AMMECR1: variants seen among roughly 807,000 people sequenced by gnomAD.
The protein encoded by AMMECR1 is nuclear protein AMMECR1.
Under a neutral mutation model 22.5 loss-of-function variants are expected in AMMECR1, and 3 were observed. The observed-to-expected ratio is 0.13, with a 90% confidence interval of 0.06 to 0.35. The LOEUF is 0.35. Ranked by LOEUF, AMMECR1 falls within the 10% of genes least tolerant of loss-of-function variation. AMMECR1 has a pLI of 1.00. For synonymous variants in AMMECR1, 130 were observed against 116.7 expected, an observed-to-expected ratio of 1.11 and a Z score of -0.74; for missense variants, 235 against 278.7, an observed-to-expected ratio of 0.84 and a Z score of 1.12.
At chrX:110,397,706 C>T (rs751076061) in intron 2 of AMMECR1, among the ~76,000 whole-genome samples, 24 of 111,277 alleles carry the variant, frequency 2.2e-4, no homozygotes, top group Non-Finnish European at 3.6e-4. Flanking sequence ...TTCCATTGGC[C>T]AAACCCATCA....
At chrX:110,278,691 T>G (rs1413978022) in intron 1 of AMMECR1, among the ~76,000 whole-genome samples, 2 of 111,974 alleles carry the variant, frequency 1.8e-5, no homozygotes, top group African/African-American at 6.5e-5. Flanking sequence ...TATGTATATT[T>G]AAATACTTTG....
At chrX:110,260,226 T>C (rs192465513) in intron 2 of AMMECR1, among the ~76,000 whole-genome samples, 1 of 111,764 alleles carries the variant, frequency 8.9e-6, no homozygotes, top group East Asian at 2.8e-4. Flanking sequence ...AGACAAAGAA[T>C]AGTCTATTTA....
intron 2 of AMMECR1, among the ~76,000 whole-genome samples, chrX:110,333,624 C>A (rs2068129830): frequency 9.0e-6 from 1 of 111,696 alleles, no homozygotes; most frequent in Non-Finnish European, 1.9e-5. Flanking sequence ...ACATATACAC[C>A]ATGGAATACT....
intron 2 of AMMECR1, among the ~76,000 whole-genome samples, chrX:110,404,115 G>A (rs1419367484): frequency 3.6e-5 from 4 of 112,490 alleles, no homozygotes; most frequent in Non-Finnish European, 5.6e-5. Flanking sequence ...ACTAAAGTAC[G>A]TCATGCTACC....
intron 3 of AMMECR1, among the ~76,000 whole-genome samples, chrX:110,211,419 T>G (rs1189204381): frequency 8.9e-6 from 1 of 112,212 alleles, no homozygotes; most frequent in Non-Finnish European, 1.9e-5. Flanking sequence ...ATGTCTGGTT[T>G]TATATCCTTT....
intron 2 of AMMECR1, among the ~76,000 whole-genome samples, chrX:110,400,538 A>G (rs913970731): frequency 3.6e-5 from 4 of 110,665 alleles, no homozygotes; most frequent in African/African-American, 1.3e-4. Context: ...ACCAGTCCTC[A>G]CTACATTCTG....
chrX:110,221,745 G>T (rs1236801574), intron 2 of AMMECR1, among the ~76,000 whole-genome samples: 6 of 110,971 alleles, frequency 5.4e-5, no homozygotes, highest in Non-Finnish European at 9.5e-5. Flanking sequence ...GAAGATAGGA[G>T]AGAAAGAAAG....
chrX:110,267,475 A>T (rs914394116), intron 1 of AMMECR1, among the ~76,000 whole-genome samples: 1 of 111,423 alleles, frequency 9.0e-6, no homozygotes, highest in Non-Finnish European at 1.9e-5. Context: ...ACAGAAATGT[A>T]TCAATCCTCT....
chrX:110,331,836 A>C (rs1186564090), intron 2 of AMMECR1, among the ~76,000 whole-genome samples: 1 of 111,476 alleles, frequency 9.0e-6, no homozygotes, highest in Non-Finnish European at 1.9e-5. Flanking sequence ...TACTCTGGTC[A>C]GATTATTGGC....
At chrX:110,245,110 C>T (rs12116084) in intron 2 of AMMECR1, among the ~76,000 whole-genome samples, 5,961 of 111,862 alleles carry the variant, frequency 0.053, 401 homozygotes, top group African/African-American at 0.19. Context: ...ATAGAGCTCA[C>T]TACTTCTGAA....
At chrX:110,224,454 G>T (rs2067521203) in intron 2 of AMMECR1, among the ~76,000 whole-genome samples, 1 of 110,737 alleles carries the variant, frequency 9.0e-6, no homozygotes, top group Non-Finnish European at 1.9e-5. Flanking sequence ...TTTTTGAAAA[G>T]ATCTGTTTTA....
chrX:110,342,378 CT>C (rs1360019572), intron 2 of AMMECR1, among the ~76,000 whole-genome samples: 4 of 106,565 alleles, frequency 3.8e-5, no homozygotes, highest in Non-Finnish European at 7.8e-5. Flanking sequence ...AATGAATATT[CT>C]TTTTTTTTTG....
chrX:110,290,488 G>A (rs1174504868), intron 1 of AMMECR1, among the ~76,000 whole-genome samples: 2 of 112,023 alleles, frequency 1.8e-5, no homozygotes, highest in Non-Finnish European at 3.8e-5. Flanking sequence ...TAACGTCTAT[G>A]TAATAGAAAA....
At chrX:110,380,163 A>G (rs1269133119) in intron 2 of AMMECR1, among the ~76,000 whole-genome samples, 1 of 111,870 alleles carries the variant, frequency 8.9e-6, no homozygotes, top group Non-Finnish European at 1.9e-5. Context: ...CAGACATGGG[A>G]AAATGTAGCT....
intron 2 of AMMECR1, among the ~76,000 whole-genome samples, chrX:110,421,396 C>A (rs1234303247): frequency 1.8e-5 from 2 of 112,399 alleles, no homozygotes; most frequent in Non-Finnish European, 3.8e-5. Flanking sequence ...GGCTCAAGAA[C>A]AAATGAGACC....
At position 110,280,578 on chromosome X, in the gene AMMECR1, TA is replaced by T. The variant is rs1438649227; in HGVS notation, c.474-15980del. On this transcript the variant is annotated intron_variant, in intron 1 of 5. Transcript: ENST00000262844. Reference sequence around the variant, plus strand: ...ACTTATATAACATTTTTATTCACTATAAATTCAATACATGTTCACTATAAAA... The same window carrying T: ...ACTTATATAACATTTTTATTCACTATAATTCAATACATGTTCACTATAAAA... Among the ~76,000 whole-genome samples, 3 of 111,819 alleles carry T rather than the reference TA, an allele frequency of 2.7e-5. No homozygotes were observed. The East Asian group carries it at 8.4e-4, about 31-fold the overall frequency.
intron 2 of AMMECR1, among the ~76,000 whole-genome samples, chrX:110,346,298 G>A (rs913795551): frequency 1.8e-5 from 2 of 111,717 alleles, no homozygotes; most frequent in African/African-American, 6.5e-5. Flanking sequence ...TCAAAAAAAA[G>A]TGGACATAGG....
Position 110,364,527 on chromosome X carries a change from C to T in AMMECR1, c.-147-46678G>A, listed in dbSNP as rs181920850. On this transcript the variant is annotated intron_variant, in intron 2 of 7. Transcript: ENST00000372057. Reference sequence around the variant, plus strand: ...TTTGGTTTCCTAAGTAGATTTCCTACTGGGATTTATCAAGATGAATTAATA... The same window carrying T: ...TTTGGTTTCCTAAGTAGATTTCCTATTGGGATTTATCAAGATGAATTAATA... Among the ~76,000 whole-genome samples, 228 of 111,756 alleles carry T rather than the reference C, an allele frequency of 2.0e-3. 1 individual carries two copies. The highest frequency in any genetic ancestry group is 6.7e-3 in the African/African-American group (206 of 30,772).
At chrX:110,398,579 G>C (rs1271837439) in intron 2 of AMMECR1, among the ~76,000 whole-genome samples, 2 of 112,177 alleles carry the variant, frequency 1.8e-5, no homozygotes, top group Non-Finnish European at 3.8e-5. Flanking sequence ...CTGGGGCTCA[G>C]AGAGGTTAGT....
Sources: gnomAD v4.1 joint callset for allele counts (sites outside exome capture counted in the v4.1 genomes callset) on GRCh38, gnomAD v4.1.1 for gene constraint, MANE v1.5 for transcripts, NCBI Gene and HGNC (gene_info 2026-07-23, HGNC 2026-07-21) for gene names.